ATP8B4: variants seen among roughly 807,000 people sequenced by gnomAD.
ATP8B4 encodes ATPase phospholipid transporting 8B4 (putative).
In ATP8B4, 133 loss-of-function variants were observed where a neutral mutation model predicts 145.6. The observed-to-expected ratio is 0.91, with a 90% CI of 0.79 to 1.05. The LOEUF is 1.05. Among genes scored for constraint, ATP8B4 ranks in the 50% least tolerant of loss-of-function variants. The pLI, the probability that ATP8B4 is intolerant of heterozygous loss-of-function variation, is 0.00. For missense variants in ATP8B4, 1,458 were observed against 1,425.2 expected, an observed-to-expected ratio of 1.02 and a Z score of -0.37; for synonymous variants, 507 against 492.9, an observed-to-expected ratio of 1.03 and a Z score of -0.38.
intron 16 of ATP8B4, among the ~76,000 whole-genome samples, chr15:49,924,587 A>T (rs939445754): frequency 5.9e-5 from 9 of 151,734 alleles, no homozygotes; most frequent in Non-Finnish European, 1.0e-4. Flanking sequence ...TGCTTAATTT[A>T]AAAAAATATA....
At chr15:50,112,044 TG>T (rs1436952384) in intron 1 of ATP8B4, among the ~76,000 whole-genome samples, 1 of 152,092 alleles carries the variant, frequency 6.6e-6, no homozygotes, top group East Asian at 1.9e-4. Flanking sequence ...GAACAGGTGA[TG>T]GGACTTAAAG....
At chr15:49,950,121 C>CT (rs1567057880) in intron 14 of ATP8B4, among the ~76,000 whole-genome samples, 2 of 152,182 alleles carry the variant, frequency 1.3e-5, no homozygotes, top group Admixed American at 6.5e-5. Flanking sequence ...CTGAAGTTTT[C>CT]TTTTTTTGTT....
chr15:50,116,204 G>A (rs2057155562), intron 1 of ATP8B4, among the ~76,000 whole-genome samples: 1 of 152,138 alleles, frequency 6.6e-6, no homozygotes, highest in African/African-American at 2.4e-5. Context: ...GATTGCTTGA[G>A]CCCAGGAGTT....
At chr15:50,047,672 A>T (rs1180925635) in intron 3 of ATP8B4, among the ~76,000 whole-genome samples, 1 of 152,066 alleles carries the variant, frequency 6.6e-6, no homozygotes, top group East Asian at 1.9e-4. Flanking sequence ...CCATAAACTC[A>T]CCTGTAACTA....
chr15:50,022,873 G>C (rs2049690557), intron 6 of ATP8B4, among the ~76,000 whole-genome samples: 1 of 152,178 alleles, frequency 6.6e-6, no homozygotes, highest in African/African-American at 2.4e-5. Flanking sequence ...GGATAAGAAA[G>C]ACCTTCTAAT....
At chr15:50,162,533 G>A (rs7174037) in intron 1 of ATP8B4, among the ~76,000 whole-genome samples, 85,686 of 151,746 alleles carry the variant, frequency 0.56, 24,875 homozygotes, top group East Asian at 0.93. Flanking sequence ...TTTAGATGGA[G>A]TCTCGCTCTG....
At chr15:50,085,869 ATATATATT>A (rs760122756) in intron 2 of ATP8B4, among the ~76,000 whole-genome samples, 8,578 of 64,448 alleles carry the variant, frequency 0.13, 747 homozygotes, top group South Asian at 0.17. Context: ...TAAACGTATC[ATATATATT>A]TATATATTTA....
chr15:50,077,226 C>G (rs1305500763), intron 2 of ATP8B4, among the ~76,000 whole-genome samples: 1 of 152,198 alleles, frequency 6.6e-6, no homozygotes, highest in South Asian at 2.1e-4. Context: ...AGTAAGCCAG[C>G]ATGTTTAAAG....
intron 2 of ATP8B4, among the ~76,000 whole-genome samples, chr15:50,093,844 T>G (rs900781344): frequency 6.6e-6 from 1 of 152,278 alleles, no homozygotes; most frequent in African/African-American, 2.4e-5. Flanking sequence ...ATTATCATAC[T>G]CATATCAGAT....
At chr15:50,171,129 A>T (rs112461185) in intron 1 of ATP8B4, among the ~76,000 whole-genome samples, 2,542 of 152,326 alleles carry the variant, frequency 0.017, 53 homozygotes, top group East Asian at 0.099. Flanking sequence ...TCAATACTCC[A>T]CTGACAGCAC....
At chr15:50,004,848 A>G (rs1257101176) in intron 7 of ATP8B4, among the ~76,000 whole-genome samples, 1 of 152,190 alleles carries the variant, frequency 6.6e-6, no homozygotes, top group African/African-American at 2.4e-5. Flanking sequence ...AAGGATTTGT[A>G]TAGTTTAATA....
chr15:50,128,691 G>A (rs908608836), intron 1 of ATP8B4, among the ~76,000 whole-genome samples: 2 of 152,194 alleles, frequency 1.3e-5, no homozygotes, highest in African/African-American at 4.8e-5. Flanking sequence ...ATCAGTGGAA[G>A]GTTTATTGGG....
At chr15:50,052,789 G>A (rs1222139020) in intron 3 of ATP8B4, among the ~76,000 whole-genome samples, 5 of 152,192 alleles carry the variant, frequency 3.3e-5, no homozygotes, top group African/African-American at 1.2e-4. Context: ...GATCAGCACA[G>A]ACTAGATGGA....
intron 20 of ATP8B4, among the ~76,000 whole-genome samples, chr15:49,909,736 A>G (rs2153443215): frequency 6.6e-6 from 1 of 151,720 alleles, no homozygotes; most frequent in East Asian, 1.9e-4. Flanking sequence ...AAAAAAAAAA[A>G]AAAAAAAAAA....
At chr15:49,987,582 A>T (rs775238871) in intron 9 of ATP8B4, 33 bp from the exon 10 acceptor site, 32 of 1,592,790 alleles carry the variant, frequency 2.0e-5, no homozygotes, top group Admixed American at 8.6e-5. Context: ...AAACCTCTTT[A>T]TGACTCACCC....
At chr15:50,094,345 T>A (rs1216234082) in intron 2 of ATP8B4, among the ~76,000 whole-genome samples, 1 of 152,074 alleles carries the variant, frequency 6.6e-6, no homozygotes, top group Non-Finnish European at 1.5e-5. Flanking sequence ...TCTTCCTGGG[T>A]CTCAAGCCTG....
At chr15:49,902,857 A>G (rs2038192262) in intron 20 of ATP8B4, among the ~76,000 whole-genome samples, 1 of 152,222 alleles carries the variant, frequency 6.6e-6, no homozygotes, top group South Asian at 2.1e-4. Context: ...AAAGCACCAC[A>G]GGGAAAACAT....
chr15:50,001,674 T>C (rs1473510969), intron 8 of ATP8B4, among the ~76,000 whole-genome samples: 2 of 152,232 alleles, frequency 1.3e-5, no homozygotes, highest in African/African-American at 2.4e-5. Flanking sequence ...AGAACTGCTA[T>C]ATGGTCTATA....
chr15:49,866,498 C>G lies in ATP8B4; in HGVS notation c.3028-14G>C, dbSNP rs11630021. ...ATCCAAGGCTATCTGTAAATAAAAT[C>G]AAATGCAAACGGGAGGTCTTTGAGG... On this transcript the variant is annotated splice_polypyrimidine_tract_variant and intron_variant, in intron 25 of 27. Coordinates refer to ENST00000284509, the MANE Select transcript of ATP8B4 (RefSeq NM_024837.4). 3 of 1,611,816 alleles carry G rather than the reference C, an allele frequency of 1.9e-6. No individual in the cohort carries two copies. Among genetic ancestry groups the G allele is most frequent in the South Asian group, 2.2e-5 (2 of 90,996 alleles).
Sources: gnomAD v4.1 joint callset for allele counts (sites outside exome capture counted in the v4.1 genomes callset) on GRCh38, gnomAD v4.1.1 for gene constraint, MANE v1.5 for transcripts, NCBI Gene and HGNC (gene_info 2026-07-23, HGNC 2026-07-21) for gene names.